Variants in CST1 observed in about 807,000 individuals in gnomAD.
CST1 encodes the protein cystatin SN, also known as cystatin-SN.
Under a neutral mutation model 10.7 loss-of-function variants are expected in CST1, and 19 were observed. The observed-to-expected ratio is 1.78, with a 90% CI of 1.24 to 2.61. The LOEUF (loss-of-function observed/expected upper bound fraction) is 2.61, where lower values mean the gene tolerates loss of function less well. CST1 is among the 30% of genes most tolerant of loss of function. The probability of loss-of-function intolerance (pLI) is 0.00; values close to 1 mark genes in which losing one functional copy is unlikely to be tolerated. For missense variants in CST1, 247 were observed against 178.1 expected (o/e 1.39, Z -2.20); for synonymous variants, 95 against 72.8 (o/e 1.31, Z -1.55).
At chr20:23,748,650 CT>C (rs756081746) in intron 2 of CST1, among the ~76,000 whole-genome samples, 4 of 152,088 alleles carry the variant, frequency 2.6e-5, no homozygotes, top group Non-Finnish European at 5.9e-5. Context: ...ACACATCACC[CT>C]CCTCCCTCAC....
At chr20:23,748,502 G>A (rs1037745705) in intron 2 of CST1, among the ~76,000 whole-genome samples, 4 of 152,054 alleles carry the variant, frequency 2.6e-5, no homozygotes, top group African/African-American at 9.7e-5. Context: ...CTGAGGCTGG[G>A]ATTAGACAGA....
At chr20:23,750,524 G>T (rs909847326) in intron 1 of CST1, 115 bp downstream of exon 1, 3 of 976,060 alleles carry the variant, frequency 3.1e-6, no homozygotes, top group Non-Finnish European at 4.7e-6. Flanking sequence ...AAAGCTGAAT[G>T]AATCTGAGCA....
At position 23,747,767 on chromosome 20, in the gene CST1, A is replaced by C; in HGVS notation, c.*49T>G. 1 of 1,521,542 alleles carries C rather than the reference A, an allele frequency of 6.6e-7. No individual in the cohort carries two copies. Among genetic ancestry groups the C allele is most frequent in the East Asian group, 2.4e-5 (1 of 40,846 alleles). 94.3% of individuals were successfully genotyped at this position (1,521,542 alleles called of 1,614,324 possible). A position where few individuals can be genotyped will look rare whatever the true frequency, so the allele number is the denominator to read the frequency against. ...ACCAGTCCAGGGGTGGGAGCACTAC[A>C]GGGGGTGGGAGTGGGTGGTGGCTGG... On this transcript the variant is annotated 3_prime_UTR_variant, in exon 3 of 3. Transcript: ENST00000304749.
intron 2 of CST1, among the ~76,000 whole-genome samples, chr20:23,748,694 A>T (rs1982740372): frequency 6.6e-6 from 1 of 152,068 alleles, no homozygotes; most frequent in Non-Finnish European, 1.5e-5. Context: ...ACAACTACGT[A>T]AACTCACTTG....
chr20:23,750,502 G>A (rs577238931), intron 1 of CST1, 137 bp downstream of exon 1: 18 of 836,556 alleles, frequency 2.2e-5, no homozygotes, highest in African/African-American at 6.8e-5. Flanking sequence ...GGGCATCAGC[G>A]GAGAGCCAGG....
Position 23,747,722 on chromosome 20 carries a change from C to A in CST1, c.*94G>T. The A allele has an allele frequency of 1.6e-6, 2 of 1,231,222 alleles. No homozygotes were observed. The highest frequency in any genetic ancestry group is 2.3e-6 in the Non-Finnish European group (2 of 858,596). The allele number at this position is 1,231,222 out of a possible 1,614,324, so 76.3% of individuals were successfully genotyped here. ...CTCTTGGCGCAGGCACATGGGGAGGCCTCCCGCAGGGTGGGGGCCACCAGT... is the reference window on the plus strand; with the variant it reads ...CTCTTGGCGCAGGCACATGGGGAGGACTCCCGCAGGGTGGGGGCCACCAGT... On this transcript the variant is annotated 3_prime_UTR_variant, in exon 3 of 3. Coordinates refer to ENST00000304749, the MANE Select transcript of CST1 (RefSeq NM_001898.3).
At chr20:23,750,580 G>T (rs1291074210) in intron 1 of CST1, 59 bp downstream of exon 1, 11 of 1,456,394 alleles carry the variant, frequency 7.6e-6, no homozygotes, top group Non-Finnish European at 1.1e-5. Flanking sequence ...AATGCTCTTG[G>T]GGGTTGGGGA....
rs559245433 is a variant in CST1, at chr20:23,748,665, C to A, written c.342+351G>T. Among the ~76,000 whole-genome samples the A allele has an allele frequency of 2.0e-5, 3 of 152,262 alleles. No individual in the cohort carries two copies. The South Asian group carries it at 6.2e-4, about 32-fold the overall frequency. On this transcript the variant is annotated intron_variant, in intron 2 of 2. Coordinates refer to ENST00000304749, the MANE Select transcript of CST1 (RefSeq NM_001898.3). ...ACACATCACCCTCCTCCCTCACCAC[C>A]CCATCTGCACATACATGGACAACTA...
Position 23,748,027 on chromosome 20 carries a change from C to T in CST1, c.343-128G>A. 5 of 882,566 alleles carry T rather than the reference C, an allele frequency of 5.7e-6. No individual in the cohort carries two copies. In the East Asian group the frequency reaches 7.8e-5, roughly 14 times the overall value. 54.7% of individuals were successfully genotyped at this position (882,566 alleles called of 1,614,324 possible). On this transcript the variant is annotated intron_variant, in intron 2 of 2. Coordinates refer to ENST00000304749, the MANE Select transcript of CST1 (RefSeq NM_001898.3). ...GACACTGGGCCCTCACCCACCCCTA[C>T]TGAGTCCCAGAGTGCTGAACTAGAA...
rs760095816 is a variant in CST1 at position 23,750,763 on chromosome 20, T to C, written c.104A>G (p.Tyr35Cys). 5 of 1,614,046 alleles carry C rather than the reference T, an allele frequency of 3.1e-6. No homozygotes were observed. Among genetic ancestry groups the C allele is most frequent in the African/African-American group, 1.3e-5 (1 of 74,926 alleles). The change falls in exon 1 of 3, where the codon TAT (tyrosine) becomes TGT (cysteine). Residue 35 changes from tyrosine (Y) to cysteine (C), a missense_variant. By Grantham distance (194) the Tyr-to-Cys change is radical. Transcript: ENST00000304749. ...EEDRIIPGGI[Y>C]NADLNDEWVQ... Reference sequence around the variant, plus strand: ...CCACTCATCATTGAGGTCTGCGTTATAGATGCCACCCGGGATTATCCTATC... The same window carrying C: ...CCACTCATCATTGAGGTCTGCGTTACAGATGCCACCCGGGATTATCCTATC...
rs750191449 is a variant in CST1 at position 23,747,858 on chromosome 20, C to T, written c.384G>A (p.Glu128=). The T allele has an allele frequency of 2.5e-6, 4 of 1,614,032 alleles. No individual in the cohort carries two copies. The highest frequency in any genetic ancestry group is 2.2e-5 in the East Asian group (1 of 44,872). Residue 128 remains glutamate, a synonymous_variant, in exon 3 of 3, where the codon GAG becomes GAA. Transcript: ENST00000304749. ...CSFEIYEVPW[E]NRRSLVKSRC... ...TGGATTTCACCAGGGACCTTCTGTTCTCCCAGGGAACTTCGTAGATCTCGA... is the reference window on the plus strand; with the variant it reads ...TGGATTTCACCAGGGACCTTCTGTTTTCCCAGGGAACTTCGTAGATCTCGA...
intron 1 of CST1, among the ~76,000 whole-genome samples, chr20:23,749,338 G>T (rs765258832): frequency 1.3e-5 from 2 of 152,166 alleles, no homozygotes; most frequent in Non-Finnish European, 2.9e-5. Context: ...CTGGGTAAAA[G>T]GATTCATTGA....
chr20:23,747,789 C>T lies in CST1; in HGVS notation c.*27G>A, dbSNP rs766771957. ...TACAGGGGGTGGGAGTGGGTGGTGG[C>T]TGGTGCGAATGGCCTGGCACAGATC... On this transcript the variant is annotated 3_prime_UTR_variant, in exon 3 of 3. Transcript: ENST00000304749. 216 of 1,606,364 alleles carry T rather than the reference C, an allele frequency of 1.3e-4. No individual in the cohort carries two copies. Among genetic ancestry groups the T allele is most frequent in the Non-Finnish European group, 1.7e-4 (203 of 1,173,458 alleles).
chr20:23,748,971 C>A, intron 2 of CST1, 45 bp downstream of exon 2: 2 of 1,608,138 alleles, frequency 1.2e-6, no homozygotes, highest in Non-Finnish European at 1.7e-6. Flanking sequence ...CATACGCACC[C>A]CTCTGCAGTG....
chr20:23,748,984 T>C, intron 2 of CST1, 32 bp downstream of exon 2: 2 of 1,613,890 alleles, frequency 1.2e-6, no homozygotes, highest in Non-Finnish European at 1.7e-6. Context: ...CTGCAGTGCA[T>C]GACTGGCCCG....
At position 23,747,761 on chromosome 20, in the gene CST1, C is replaced by G; in HGVS notation, c.*55G>C. On this transcript the variant is annotated 3_prime_UTR_variant, in exon 3 of 3. Transcript: ENST00000304749. ...GGGGCCACCAGTCCAGGGGTGGGAG[C>G]ACTACAGGGGGTGGGAGTGGGTGGT... The G allele has an allele frequency of 6.4e-7, 1 of 1,554,230 alleles. No individual in the cohort carries two copies. Among genetic ancestry groups the G allele is most frequent in the East Asian group, 2.3e-5 (1 of 44,234 alleles).
Position 23,750,832 on chromosome 20 carries a change from AG to A in CST1, c.34del (p.Leu12TrpfsTer4), listed in dbSNP as rs748247973. ...AQYLSTLLLL[L>X]ATLAVALAWS... Reference sequence around the variant, plus strand: ...GGCCAGGGCCACAGCTAGGGTGGCCAGCAGGAGCAGCAGGGTACTCAGATAC... The same window carrying A: ...GGCCAGGGCCACAGCTAGGGTGGCCACAGGAGCAGCAGGGTACTCAGATAC... On this transcript the variant is annotated frameshift_variant, in exon 1 of 3. Transcript: ENST00000304749. LOFTEE classifies it high-confidence loss of function. 6.2e-7 allele frequency: 1 copy of A among 1,613,558 alleles called. No homozygotes were observed. Among genetic ancestry groups the A allele is most frequent in the Non-Finnish European group, 8.5e-7 (1 of 1,179,748 alleles).
At chr20:23,750,348 T>G (rs1024108339) in intron 1 of CST1, among the ~76,000 whole-genome samples, 12 of 152,078 alleles carry the variant, frequency 7.9e-5, no homozygotes, top group Admixed American at 2.0e-4. Flanking sequence ...CTGAGCAGCA[T>G]CAAGCCCACC....
At chr20:23,749,968 C>T (rs1568748030) in intron 1 of CST1, among the ~76,000 whole-genome samples, 1 of 151,446 alleles carries the variant, frequency 6.6e-6, no homozygotes, top group Non-Finnish European at 1.5e-5. Flanking sequence ...GCTCTAAAGA[C>T]TGTGTCACTA....
Sources: allele counts gnomAD v4.1 joint callset (sites outside exome capture counted in the v4.1 genomes callset), GRCh38; gene constraint gnomAD v4.1.1; transcripts MANE v1.5; gene names NCBI Gene and HGNC (gene_info 2026-07-23, HGNC 2026-07-21).